Variants in NCKAP5 observed in about 807,000 individuals in gnomAD.
The protein encoded by NCKAP5 is nck-associated protein 5.
A neutral mutation model predicts 167.0 loss-of-function variants in NCKAP5; 92 were observed. The observed-to-expected ratio is 0.55, with a 90% CI of 0.47 to 0.66. NCKAP5 has a LOEUF of 0.66. NCKAP5 is among the 30% of genes least tolerant of loss of function. The probability of loss-of-function intolerance (pLI) is 0.00; values close to 1 mark genes in which losing one functional copy is unlikely to be tolerated. For synonymous variants in NCKAP5, 891 were observed against 877.4 expected (o/e 1.02, Z -0.27); for missense variants, 2,378 against 2,315.0 (o/e 1.03, Z -0.56).
At chr2:133,169,060 A>G (rs183829481) in intron 5 of NCKAP5, among the ~76,000 whole-genome samples, 9 of 152,306 alleles carry the variant, frequency 5.9e-5, no homozygotes, top group Admixed American at 3.3e-4. Flanking sequence ...GTATTTCAGC[A>G]TAAGGGGGAC....
the NCKAP5 span, among the ~76,000 whole-genome samples, chr2:133,592,721 G>A: frequency 6.6e-6 from 1 of 152,118 alleles, no homozygotes; most frequent in Non-Finnish European, 1.5e-5. Context: ...AATACACTTT[G>A]CCTACACTTT....
chr2:132,773,730 T>C (rs1164698092), intron 16 of NCKAP5, 86 bp downstream of exon 16: 3 of 1,058,026 alleles, frequency 2.8e-6, no homozygotes, highest in Admixed American at 2.2e-5. Flanking sequence ...TAGAGGGACA[T>C]GGTCTCTAGG....
chr2:133,264,743 G>A (rs1381663335), intron 4 of NCKAP5, among the ~76,000 whole-genome samples: 1 of 152,198 alleles, frequency 6.6e-6, no homozygotes, highest in Non-Finnish European at 1.5e-5. Flanking sequence ...ATGAAATCTG[G>A]TCCTTTACAG....
In NCKAP5 at chr2:133,523,950, C is replaced by T. The variant is rs1338859101; in HGVS notation, c.-61-6363G>A. On this transcript the variant is annotated intron_variant, in intron 2 of 19. Transcript: ENST00000409261. Reference sequence around the variant, plus strand: ...AAACATATCAATGCCTAGGTCCCACCAGATCACTTGAATCTCTGGGGTATA... The same window carrying T: ...AAACATATCAATGCCTAGGTCCCACTAGATCACTTGAATCTCTGGGGTATA... Among the ~76,000 whole-genome samples the T allele has an allele frequency of 5.3e-5, 8 of 152,140 alleles. No individual in the cohort carries two copies. The East Asian group carries it at 5.8e-4, about 11-fold the overall frequency.
the NCKAP5 span, among the ~76,000 whole-genome samples, chr2:133,642,178 G>A: frequency 6.6e-5 from 10 of 152,082 alleles, no homozygotes; most frequent in African/African-American, 1.2e-4. Context: ...TCTCTTGAGC[G>A]AATGAATCTA....
chr2:133,248,117 T>C (rs72985667), intron 4 of NCKAP5, among the ~76,000 whole-genome samples: 1 of 152,196 alleles, frequency 6.6e-6, no homozygotes, highest in Non-Finnish European at 1.5e-5. Flanking sequence ...CTAGAACTTG[T>C]CCATGTGCAG....
At chr2:133,246,258 G>GAAA (rs112684321) in intron 4 of NCKAP5, among the ~76,000 whole-genome samples, 30 of 144,120 alleles carry the variant, frequency 2.1e-4, no homozygotes, top group South Asian at 6.5e-4. Context: ...TATTCTAATG[G>GAAA]AAAAAAAAAA....
At chr2:133,061,837 A>C (rs1458206051) in intron 6 of NCKAP5, among the ~76,000 whole-genome samples, 1 of 142,794 alleles carries the variant, frequency 7.0e-6, no homozygotes, top group Non-Finnish European at 1.6e-5. Flanking sequence ...TGGCTTCCCC[A>C]CCTTAGATCA....
At chr2:133,311,953 C>G (rs763330570) in intron 3 of NCKAP5, among the ~76,000 whole-genome samples, 1 of 152,152 alleles carries the variant, frequency 6.6e-6, no homozygotes, top group African/African-American at 2.4e-5. Context: ...GATAATTTCA[C>G]AAAATAAGTG....
chr2:132,698,549 T>C (rs1037687493), intron 19 of NCKAP5, among the ~76,000 whole-genome samples: 3 of 152,050 alleles, frequency 2.0e-5, no homozygotes, highest in South Asian at 2.1e-4. Context: ...GAAATGCAAA[T>C]TGTGGCCGGG....
intron 8 of NCKAP5, among the ~76,000 whole-genome samples, chr2:132,958,380 A>C (rs58070693): frequency 0.039 from 5,866 of 152,214 alleles, 364 homozygotes; most frequent in African/African-American, 0.13. Context: ...ACAACAACAA[A>C]AAATACCTTC....
chr2:133,159,061 A>C (rs1280503338), intron 5 of NCKAP5, among the ~76,000 whole-genome samples: 1 of 152,020 alleles, frequency 6.6e-6, no homozygotes, highest in Non-Finnish European at 1.5e-5. Context: ...TTGGATTATA[A>C]GGGTGAGGCC....
chr2:133,514,388 C>T (rs1002951604), intron 3 of NCKAP5, among the ~76,000 whole-genome samples: 11 of 152,174 alleles, frequency 7.2e-5, no homozygotes, highest in Non-Finnish European at 1.5e-4. Context: ...CCCCATGCCA[C>T]GTGACTAAGG....
the NCKAP5 span, among the ~76,000 whole-genome samples, chr2:133,622,712 T>C: frequency 2.0e-5 from 3 of 152,182 alleles, no homozygotes; most frequent in East Asian, 1.9e-4. Flanking sequence ...AGAATCAGTA[T>C]TGTAAAAATG....
intron 15 of NCKAP5, among the ~76,000 whole-genome samples, chr2:132,777,566 C>T (rs960811658): frequency 2.0e-5 from 3 of 152,068 alleles, no homozygotes; most frequent in Non-Finnish European, 4.4e-5. Flanking sequence ...ATAAGTGAGA[C>T]AGGAAATAAT....
chr2:133,093,485 CTT>C (rs2081253552), intron 6 of NCKAP5, among the ~76,000 whole-genome samples: 2 of 152,284 alleles, frequency 1.3e-5, no homozygotes, highest in Admixed American at 1.3e-4. Context: ...GTCAGTAAAA[CTT>C]TAGGCTACTT....
chr2:133,480,825 G>A (rs1177250057), intron 3 of NCKAP5, among the ~76,000 whole-genome samples: 2 of 152,068 alleles, frequency 1.3e-5, no homozygotes, highest in African/African-American at 2.4e-5. Context: ...AAAAACTCTG[G>A]TTAAGGCAGT....
chr2:133,017,590 G>A (rs1221883796), intron 6 of NCKAP5, among the ~76,000 whole-genome samples: 1 of 151,812 alleles, frequency 6.6e-6, no homozygotes, highest in Non-Finnish European at 1.5e-5. Context: ...CAATGGTATA[G>A]CATTCTTGCC....
intron 3 of NCKAP5, among the ~76,000 whole-genome samples, chr2:133,421,309 G>A (rs1444223591): frequency 6.6e-6 from 1 of 151,446 alleles, no homozygotes; most frequent in Non-Finnish European, 1.5e-5. Context: ...ACATGTTTAC[G>A]CCTCCTAATT....
Sources: allele counts gnomAD v4.1 joint callset (sites outside exome capture counted in the v4.1 genomes callset), GRCh38; gene constraint gnomAD v4.1.1; transcripts MANE v1.5; gene names NCBI Gene and HGNC (gene_info 2026-07-23, HGNC 2026-07-21).